Variants in SLC15A2 observed in about 807,000 individuals in gnomAD.
The protein encoded by SLC15A2 is solute carrier family 15 member 2.
Under a neutral mutation model 95.5 loss-of-function variants are expected in SLC15A2, and 77 were observed. The ratio of observed to expected loss-of-function variants is 0.81; its 90% CI spans 0.67 to 0.97. SLC15A2 has a LOEUF of 0.97. Among genes scored for constraint, SLC15A2 ranks in the 50% least tolerant of loss-of-function variants. The probability of loss-of-function intolerance (pLI) is 0.00; values close to 1 mark genes in which losing one functional copy is unlikely to be tolerated. For missense variants in SLC15A2, 893 were observed against 874.4 expected (o/e 1.02, Z -0.27); for synonymous variants, 306 against 306.9 (o/e 1.00, Z 0.03).
At chr3:121,926,143 C>T (rs1471898701) in intron 13 of SLC15A2, among the ~76,000 whole-genome samples, 1 of 151,978 alleles carries the variant, frequency 6.6e-6, no homozygotes, top group African/African-American at 2.4e-5. Flanking sequence ...GTCATGGAAA[C>T]ATGGATTTAA....
At chr3:121,898,761 C>A (rs1709468015) in intron 3 of SLC15A2, among the ~76,000 whole-genome samples, 1 of 152,154 alleles carries the variant, frequency 6.6e-6, no homozygotes, top group Non-Finnish European at 1.5e-5. Context: ...ACCAGTTTGA[C>A]TATGGAATAT....
intron 11 of SLC15A2, among the ~76,000 whole-genome samples, chr3:121,923,882 G>A (rs751119186): frequency 6.6e-6 from 1 of 152,136 alleles, no homozygotes; most frequent in Non-Finnish European, 1.5e-5. Flanking sequence ...TTTGGAGCCT[G>A]CAAAATATAA....
intron 3 of SLC15A2, among the ~76,000 whole-genome samples, chr3:121,902,173 A>G (rs1283558126): frequency 6.6e-6 from 1 of 152,042 alleles, no homozygotes; most frequent in Non-Finnish European, 1.5e-5. Flanking sequence ...AAACATGCAT[A>G]TTGGTTTCTC....
chr3:121,933,753 G>C (rs1315550241), intron 19 of SLC15A2, among the ~76,000 whole-genome samples: 1 of 151,670 alleles, frequency 6.6e-6, no homozygotes, highest in African/African-American at 2.4e-5. Flanking sequence ...CTGTGCAGAA[G>C]CTCTTTAGTT....
intron 15 of SLC15A2, 89 bp downstream of exon 15, chr3:121,928,644 C>T: frequency 1.4e-6 from 2 of 1,389,234 alleles, no homozygotes; most frequent in East Asian, 4.6e-5. Context: ...TAAGCATCTT[C>T]CCATGTCTTT....
At chr3:121,908,003 C>T (rs1486863335) in intron 3 of SLC15A2, among the ~76,000 whole-genome samples, 1 of 152,244 alleles carries the variant, frequency 6.6e-6, no homozygotes, top group Non-Finnish European at 1.5e-5. Flanking sequence ...TCTACAGAGG[C>T]AGCAGGCCTT....
intron 8 of SLC15A2, 23 bp from the exon 9 acceptor site, chr3:121,922,752 A>C: frequency 1.3e-6 from 2 of 1,584,678 alleles, no homozygotes; most frequent in Non-Finnish European, 1.7e-6. Context: ...TGTCTCTCCC[A>C]TGATGTCTAC....
At chr3:121,899,658 A>T (rs1448794595) in intron 3 of SLC15A2, among the ~76,000 whole-genome samples, 1 of 152,186 alleles carries the variant, frequency 6.6e-6, no homozygotes, top group Non-Finnish European at 1.5e-5. Context: ...ATTTGACCCA[A>T]TTTAATTCAA....
At chr3:121,902,259 C>A (rs1709534537) in intron 3 of SLC15A2, among the ~76,000 whole-genome samples, 1 of 152,138 alleles carries the variant, frequency 6.6e-6, no homozygotes, top group African/African-American at 2.4e-5. Context: ...GATTTTATAT[C>A]CTATTACCCA....
chr3:121,922,292 A>C lies in SLC15A2; in HGVS notation c.770A>C (p.Lys257Thr). Residue 257 changes from lysine to threonine, a missense_variant, in exon 8 of 22, where the codon AAA becomes ACA. Transcript: ENST00000489711. ...PEGNIVAQVF[K>T]CIWFAISNRF... is the part of the protein sequence containing the mutation. ...GGAAACATAGTGGCTCAAGTTTTCAAATGTATCTGGGTAAGTCCATAAATT... is the reference window on the plus strand; with the variant it reads ...GGAAACATAGTGGCTCAAGTTTTCACATGTATCTGGGTAAGTCCATAAATT... 1.2e-6 allele frequency: 2 copies of C among 1,613,682 alleles called. No homozygotes were observed. Among genetic ancestry groups the C allele is most frequent in the Non-Finnish European group, 1.7e-6 (2 of 1,179,638 alleles).
At chr3:121,925,768 A>G (rs1710107401) in intron 13 of SLC15A2, among the ~76,000 whole-genome samples, 1 of 93,052 alleles carries the variant, frequency 1.1e-5, no homozygotes, top group East Asian at 3.5e-4. Context: ...ATATATATAT[A>G]TATATATATA....
At position 121,924,979 on chromosome 3, in the gene SLC15A2, C is replaced by A. The variant is rs766336700; in HGVS notation, c.1070C>A (p.Pro357Gln). ...CCCCTTCTGGTTCTTATCTTCATCC[C>A]GTTGTTTGACTTTGTCATTTATCGT... ...LNPLLVLIFI[P>Q]LFDFVIYRLV... is the part of the protein sequence containing the mutation. The change falls in exon 13 of 22, where the codon CCG (proline) becomes CAG (glutamine). Residue 357 changes from proline to glutamine, a missense_variant. Pro to Gln is a moderately conservative substitution (Grantham distance 76, BLOSUM62 -1). Coordinates refer to ENST00000489711, the MANE Select transcript of SLC15A2 (RefSeq NM_021082.4). The A allele has an allele frequency of 2.5e-6, 4 of 1,613,048 alleles. No individual in the cohort carries two copies. The highest frequency in any genetic ancestry group is 3.4e-6 in the Non-Finnish European group (4 of 1,179,112).
At chr3:121,939,643 T>C (rs1309811660) in intron 20 of SLC15A2, 148 bp downstream of exon 20, 2 of 531,726 alleles carry the variant, frequency 3.8e-6, no homozygotes, top group Non-Finnish European at 6.2e-6. Flanking sequence ...CCTGAACATC[T>C]TAACTCCCCA....
At chr3:121,924,239 A>C (rs1710065834) in intron 11 of SLC15A2, 112 bp from the exon 12 acceptor site, 23 of 831,702 alleles carry the variant, frequency 2.8e-5, no homozygotes, top group South Asian at 4.4e-5. Context: ...GACCTGATGA[A>C]TTTTCTCTCA....
At chr3:121,913,396 A>G (rs1216937210) in intron 5 of SLC15A2, among the ~76,000 whole-genome samples, 1 of 152,232 alleles carries the variant, frequency 6.6e-6, no homozygotes, top group Non-Finnish European at 1.5e-5. Flanking sequence ...TGAGGAGAAT[A>G]CTATAGCTGC....
chr3:121,901,783 T>C (rs545349775), intron 3 of SLC15A2, among the ~76,000 whole-genome samples: 1 of 152,126 alleles, frequency 6.6e-6, no homozygotes, highest in East Asian at 1.9e-4. Context: ...ATGGATAGAT[T>C]TTTGTTTCAA....
At chr3:121,895,578 T>C (rs888546735) in intron 1 of SLC15A2, among the ~76,000 whole-genome samples, 7 of 152,206 alleles carry the variant, frequency 4.6e-5, no homozygotes, top group African/African-American at 1.7e-4. Context: ...ATACTTCTCA[T>C]GAAATGAGGC....
chr3:121,928,498 GAC>G lies in SLC15A2; in HGVS notation c.1286_1287del (p.Thr429SerfsTer5). ...LNLADDEVKV[T>X]VVGNENNSLL... is the part of the protein sequence containing the mutation. ...ATCTGGCAGATGATGAGGTGAAGGT[GAC>G]AGTGGTGGGAAATGAAAACAATTCT... On this transcript the variant is annotated frameshift_variant, in exon 15 of 22. Transcript: ENST00000489711. LOFTEE classifies it high-confidence loss of function. 1 of 1,614,098 alleles carries G rather than the reference GAC, an allele frequency of 6.2e-7. No individual in the cohort carries two copies. The highest frequency in any genetic ancestry group is 1.1e-5 in the South Asian group (1 of 91,080).
chr3:121,894,774 G>C (rs1709387080), intron 1 of SLC15A2, among the ~76,000 whole-genome samples, 193 bp downstream of exon 1: 3 of 152,192 alleles, frequency 2.0e-5, no homozygotes, highest in African/African-American at 7.2e-5. Context: ...GCAGGAAGAG[G>C]TAGTCAAAGT....
Sources: gnomAD v4.1 joint callset for allele counts (sites outside exome capture counted in the v4.1 genomes callset) on GRCh38, gnomAD v4.1.1 for gene constraint, MANE v1.5 for transcripts, NCBI Gene and HGNC (gene_info 2026-07-23, HGNC 2026-07-21) for gene names.